The following RBL1 variants were observed in gnomAD, a reference collection of about 807,000 sequenced individuals.
RBL1 encodes RB transcriptional corepressor like 1.
RBL1 carries 82 observed loss-of-function variants against 123.0 expected under a neutral mutation model. The observed-to-expected ratio is 0.67, with a 90% CI of 0.56 to 0.80. RBL1 has a LOEUF of 0.80. Among genes scored for constraint, RBL1 ranks in the 30% least tolerant of loss-of-function variants. RBL1 has a pLI of 0.00. For synonymous variants in RBL1, 405 were observed against 441.3 expected, an observed-to-expected ratio of 0.92 and a Z score of 1.03; for missense variants, 1,171 against 1,299.6, an observed-to-expected ratio of 0.90 and a Z score of 1.52.
At chr20:37,045,158 G>C (rs1321608424) in intron 12 of RBL1, among the ~76,000 whole-genome samples, 2 of 151,508 alleles carry the variant, frequency 1.3e-5, no homozygotes, top group Non-Finnish European at 2.9e-5. Context: ...CCAGGCTGGA[G>C]TGCAGCGGCG....
intron 19 of RBL1, among the ~76,000 whole-genome samples, chr20:37,015,500 C>T (rs978777656): frequency 5.3e-5 from 8 of 150,894 alleles, no homozygotes; most frequent in Non-Finnish European, 8.9e-5. Flanking sequence ...GCGCGATCTC[C>T]GCTCACTGCA....
At chr20:37,061,293 A>C (rs1010614866) in intron 8 of RBL1, 24 bp from the exon 9 acceptor site, 8 of 1,601,738 alleles carry the variant, frequency 5.0e-6, no homozygotes, top group Non-Finnish European at 6.0e-6. Flanking sequence ...AAAATCCGTG[A>C]GTTTTTAAAA....
chr20:37,003,900 A>C, intron 20 of RBL1, 34 bp from the exon 21 acceptor site: 3 of 1,550,066 alleles, frequency 1.9e-6, no homozygotes, highest in Non-Finnish European at 2.6e-6. Context: ...TTTTTAGATA[A>C]AAGTTTTTCT....
intron 2 of RBL1, among the ~76,000 whole-genome samples, chr20:37,077,605 C>CA (rs1277392322): frequency 6.6e-6 from 1 of 152,128 alleles, no homozygotes; most frequent in African/African-American, 2.4e-5. Flanking sequence ...TTCAACTCTC[C>CA]AAGCCTCCAT....
At chr20:37,022,927 T>C (rs2064366757) in intron 16 of RBL1, 101 bp from the exon 17 acceptor site, 2 of 857,952 alleles carry the variant, frequency 2.3e-6, no homozygotes, top group Non-Finnish European at 1.8e-6. Context: ...AGGCTGTTGA[T>C]ATACTAAATT....
At chr20:37,069,848 G>A (rs903674618) in intron 2 of RBL1, among the ~76,000 whole-genome samples, 11 of 151,082 alleles carry the variant, frequency 7.3e-5, no homozygotes, top group African/African-American at 2.7e-4. Flanking sequence ...AGGGAGGTGG[G>A]GGGGTCAGCC....
intron 2 of RBL1, among the ~76,000 whole-genome samples, chr20:37,085,261 T>C (rs1485937944): frequency 2.0e-5 from 3 of 151,638 alleles, no homozygotes; most frequent in Non-Finnish European, 4.4e-5. Context: ...GCCTCCCCAG[T>C]AGCTAGGATT....
In RBL1 at chr20:37,061,165, C is replaced by T; in HGVS notation, c.1188G>A (p.Arg396=). The change falls in exon 9 of 22, where the codon CGG becomes CGA. Residue 396 remains arginine (R), a synonymous_variant. Transcript: ENST00000373664. ...TCAGACCAGCCACAATACTCTGTAA[C>T]CGGCTCACACTTTGGGTGGCTGATG... ...PVASATQSVS[R]LQSIVAGLKN... is the part of the protein sequence containing the mutation. 1.2e-6 allele frequency: 2 copies of T among 1,613,806 alleles called. No individual in the cohort carries two copies. Among genetic ancestry groups the T allele is most frequent in the Non-Finnish European group, 1.7e-6 (2 of 1,179,804 alleles).
intron 2 of RBL1, among the ~76,000 whole-genome samples, chr20:37,080,291 G>C (rs1049951563): frequency 1.3e-5 from 2 of 151,716 alleles, no homozygotes; most frequent in African/African-American, 2.4e-5. Flanking sequence ...CAAGTAGCTG[G>C]GATTACAGGC....
rs1239822262 is a variant in RBL1, at chr20:36,997,526, A to AT, written c.*1232dup. 6.6e-6 allele frequency: 1 copy of AT among 152,134 alleles called. No individual in the cohort carries two copies. The highest frequency in any genetic ancestry group is 2.4e-5 in the African/African-American group (1 of 41,436). The allele number at this position is 152,134 out of a possible 1,614,324, so 9.4% of individuals were successfully genotyped here. ...TATTAGAATTATGAGGCATGAGATG[A>AT]TATTTATGTGATTTTTAAAAGGTTT... is the stretch of plus-strand genomic sequence containing the variant. On this transcript the variant is annotated 3_prime_UTR_variant, in exon 22 of 22. Transcript: ENST00000373664.
In RBL1 at chr20:37,007,377, AAAT is replaced by A. The variant is rs201391543; in HGVS notation, c.2871+31_2871+33del. The stretch of plus-strand genomic sequence containing the variant: ...CTTATAGTAATCCAACTATGACAGC[AAAT>A]AATAATAAAGTAGTAAAACATAGAA... On this transcript the variant is annotated intron_variant, in intron 20 of 21. Transcript: ENST00000373664. 9 of 1,594,434 alleles carry A rather than the reference AAAT, an allele frequency of 5.6e-6. No individual in the cohort carries two copies. In the East Asian group the frequency reaches 2.0e-4, roughly 36 times the overall value.
chr20:37,011,011 GGTCTT>G (rs1161771587), intron 19 of RBL1, among the ~76,000 whole-genome samples: 1 of 151,786 alleles, frequency 6.6e-6, no homozygotes, highest in Non-Finnish European at 1.5e-5. Flanking sequence ...TGCAGACAGG[GGTCTT>G]GCTGTGTTGC....
intron 10 of RBL1, 35 bp from the exon 11 acceptor site, chr20:37,055,691 G>A: frequency 6.4e-7 from 1 of 1,561,724 alleles, no homozygotes; most frequent in Non-Finnish European, 8.6e-7. Flanking sequence ...ATGTGTTAAT[G>A]AATTTTAGTT....
chr20:37,003,469 A>G, intron 21 of RBL1: 2 of 852,378 alleles, frequency 2.3e-6, no homozygotes, highest in Non-Finnish European at 3.0e-6. Context: ...CTTGAACAGG[A>G]AAACATGCTG....
At chr20:37,061,955 C>T in intron 8 of RBL1, 129 bp downstream of exon 8, 1 of 1,078,850 alleles carries the variant, frequency 9.3e-7, no homozygotes, top group Non-Finnish European at 1.3e-6. Flanking sequence ...CCTTTTAAGG[C>T]TTTCATGAGA....
chr20:37,005,986 C>G (rs1413494248), intron 20 of RBL1, among the ~76,000 whole-genome samples: 3 of 146,932 alleles, frequency 2.0e-5, no homozygotes, highest in African/African-American at 7.5e-5. Context: ...GCCTTGACCT[C>G]CTGGGCCCAA....
chr20:37,035,566 T>TA (rs2064596771), intron 14 of RBL1, 58 bp from the exon 15 acceptor site: 1 of 1,382,932 alleles, frequency 7.2e-7, no homozygotes. Context: ...AAATTAGGTT[T>TA]ACTCATTCAC....
chr20:37,076,936 ATT>A (rs547969796), intron 2 of RBL1, among the ~76,000 whole-genome samples: 216 of 135,124 alleles, frequency 1.6e-3, no homozygotes, highest in Middle Eastern at 3.9e-3. Context: ...TTGCTTTATC[ATT>A]TTTTTTTTTT....
At chr20:37,000,137 G>A (rs1330474735) in intron 21 of RBL1, among the ~76,000 whole-genome samples, 1 of 150,106 alleles carries the variant, frequency 6.7e-6, no homozygotes, top group South Asian at 2.1e-4. Context: ...GTCTCTGCCC[G>A]GCCGCCCCGT....
Sources: gnomAD v4.1 joint callset for allele counts (sites outside exome capture counted in the v4.1 genomes callset) on GRCh38, gnomAD v4.1.1 for gene constraint, MANE v1.5 for transcripts, NCBI Gene and HGNC (gene_info 2026-07-23, HGNC 2026-07-21) for gene names.